Variants in HHIP observed in about 807,000 individuals in gnomAD.
HHIP encodes the protein hedgehog interacting protein.
Under a neutral mutation model 74.0 loss-of-function variants are expected in HHIP, and 12 were observed. The ratio of observed to expected loss-of-function variants is 0.16; its 90% CI spans 0.10 to 0.26. The LOEUF (loss-of-function observed/expected upper bound fraction) is 0.26, where lower values mean the gene tolerates loss of function less well. Among genes scored for constraint, HHIP ranks in the 10% least tolerant of loss-of-function variants. The pLI is 1.00. For missense variants in HHIP, 788 were observed against 845.0 expected (o/e 0.93, Z 0.84); for synonymous variants, 309 against 311.6 (o/e 0.99, Z 0.09).
intron 4 of HHIP, among the ~76,000 whole-genome samples, chr4:144,681,242 A>T (rs956422777): frequency 2.0e-5 from 3 of 152,148 alleles, no homozygotes; most frequent in African/African-American, 7.2e-5. Flanking sequence ...TATGATTTGT[A>T]TATTATACAT....
At position 144,659,778 on chromosome 4, in the gene HHIP, A is replaced by G; in HGVS notation, c.771A>G (p.Glu257=). The change falls in exon 4 of 13, where the codon GAA becomes GAG. Residue 257 remains glutamate (E), a synonymous_variant. Transcript: ENST00000296575. ...KEGYVKILTP[E]GEIFKEPYLD... Reference sequence around the variant, plus strand: ...GTTATGTGAAGATACTTACCCCTGAAGGAGAAATTTTCAAGGAGCCTTATT... The same window carrying G: ...GTTATGTGAAGATACTTACCCCTGAGGGAGAAATTTTCAAGGAGCCTTATT... 6.2e-7 allele frequency: 1 copy of G among 1,612,032 alleles called. No homozygotes were observed. The highest frequency in any genetic ancestry group is 1.3e-5 in the African/African-American group (1 of 74,908).
intron 4 of HHIP, among the ~76,000 whole-genome samples, chr4:144,664,467 G>A (rs1169380984): frequency 6.6e-6 from 1 of 152,226 alleles, no homozygotes; most frequent in Admixed American, 6.5e-5. Flanking sequence ...CCATTTCTCT[G>A]AACTTTGTCA....
At chr4:144,687,452 T>G (rs1055255957) in intron 4 of HHIP, among the ~76,000 whole-genome samples, 1 of 152,188 alleles carries the variant, frequency 6.6e-6, no homozygotes, top group African/African-American at 2.4e-5. Context: ...GTACAGAGCT[T>G]AATGATGCAT....
In HHIP at chr4:144,706,539, T is replaced by C. The variant is rs751691208; in HGVS notation, c.840T>C (p.Asp280=). Residue 280 remains aspartate (D), a synonymous_variant, in exon 5 of 13, where the codon GAT becomes GAC. Transcript: ENST00000296575. ...TTTTCATTTGACTGCAGGGAGGAGA[T>C]GAAAGAGGACTGCTAAGCCTCGCAT... ...KLVQSGIKGG[D]ERGLLSLAFH... 1.3e-5 allele frequency: 21 copies of C among 1,608,484 alleles called. No homozygotes were observed. The highest frequency in any genetic ancestry group is 1.7e-5 in the Admixed American group (1 of 59,060).
At chr4:144,677,447 G>A (rs1004888577) in intron 4 of HHIP, among the ~76,000 whole-genome samples, 5 of 152,086 alleles carry the variant, frequency 3.3e-5, no homozygotes, top group South Asian at 4.1e-4. Flanking sequence ...CTGCTTTTCC[G>A]TGAGTCTCAA....
chr4:144,674,156 C>T (rs1470590791), intron 4 of HHIP, among the ~76,000 whole-genome samples: 2 of 152,098 alleles, frequency 1.3e-5, no homozygotes, highest in African/African-American at 4.8e-5. Flanking sequence ...ATGCCTCATC[C>T]CCTGTTATTA....
chr4:144,740,120 C>T lies in HHIP; in HGVS notation c.*2163C>T, dbSNP rs1432369491. The T allele has an allele frequency of 1.3e-5, 2 of 152,124 alleles. No homozygotes were observed. Among genetic ancestry groups the T allele is most frequent in the Non-Finnish European group, 2.9e-5 (2 of 68,024 alleles). The allele number at this position is 152,124 out of a possible 1,614,324, so 9.4% of individuals were successfully genotyped here. Reference sequence around the variant, plus strand: ...AGCTGTCTAAATCTGTCAAATCGTGCAGTTTTATTACACATTCTCCAATTC... The same window carrying T: ...AGCTGTCTAAATCTGTCAAATCGTGTAGTTTTATTACACATTCTCCAATTC... On this transcript the variant is annotated 3_prime_UTR_variant, in exon 13 of 13. Coordinates refer to ENST00000296575, the MANE Select transcript of HHIP (RefSeq NM_022475.3).
intron 4 of HHIP, among the ~76,000 whole-genome samples, chr4:144,668,181 G>A (rs1354103582): frequency 6.6e-6 from 1 of 151,992 alleles, no homozygotes; most frequent in Non-Finnish European, 1.5e-5. Flanking sequence ...GCCGGGTATG[G>A]TGGCAGATGC....
At chr4:144,677,615 A>G (rs1238559586) in intron 4 of HHIP, among the ~76,000 whole-genome samples, 4 of 152,174 alleles carry the variant, frequency 2.6e-5, no homozygotes, top group Non-Finnish European at 5.9e-5. Context: ...AGGTGTTGTT[A>G]GTAGAGAAAG....
intron 4 of HHIP, among the ~76,000 whole-genome samples, chr4:144,663,523 A>G (rs1463270438): frequency 6.6e-6 from 1 of 152,200 alleles, no homozygotes; most frequent in Non-Finnish European, 1.5e-5. Flanking sequence ...AACTAAGAGC[A>G]GGTGGTTGGA....
Position 144,739,573 on chromosome 4 carries a change from A to C in HHIP, c.*1616A>C, listed in dbSNP as rs993962163. The C allele has an allele frequency of 2.0e-5, 3 of 152,230 alleles. No individual in the cohort carries two copies. The highest frequency in any genetic ancestry group is 7.2e-5 in the African/African-American group (3 of 41,468). The allele number at this position is 152,230 out of a possible 1,614,324, so 9.4% of individuals were successfully genotyped here. A position where few individuals can be genotyped will look rare whatever the true frequency, so the allele number is the denominator to read the frequency against. On this transcript the variant is annotated 3_prime_UTR_variant, in exon 13 of 13. Transcript: ENST00000296575. Reference sequence around the variant, plus strand: ...CCCAGTAAGCATTTATATAGAAGCCACAATGTAGAAAGATTGGTTAAGTAC... The same window carrying C: ...CCCAGTAAGCATTTATATAGAAGCCCCAATGTAGAAAGATTGGTTAAGTAC...
At chr4:144,713,840 A>G (rs1560716637) in intron 8 of HHIP, among the ~76,000 whole-genome samples, 1 of 152,182 alleles carries the variant, frequency 6.6e-6, no homozygotes, top group Non-Finnish European at 1.5e-5. Context: ...AATTTACTCA[A>G]TATATGCAGA....
chr4:144,672,198 A>G (rs1394633263), intron 4 of HHIP, among the ~76,000 whole-genome samples: 1 of 152,134 alleles, frequency 6.6e-6, no homozygotes, highest in Admixed American at 6.5e-5. Context: ...CTTTGTAATA[A>G]TACAGAAACC....
chr4:144,727,094 A>T (rs1384903636), intron 11 of HHIP, among the ~76,000 whole-genome samples: 1 of 152,208 alleles, frequency 6.6e-6, no homozygotes, highest in Non-Finnish European at 1.5e-5. Flanking sequence ...TGAGGTTGTT[A>T]TAACAAAATA....
At chr4:144,682,972 G>A (rs1729387459) in intron 4 of HHIP, among the ~76,000 whole-genome samples, 1 of 152,150 alleles carries the variant, frequency 6.6e-6, no homozygotes, top group Admixed American at 6.5e-5. Flanking sequence ...TGCGTTTAGA[G>A]GAAGAAATAG....
At chr4:144,677,703 G>T (rs1325828196) in intron 4 of HHIP, among the ~76,000 whole-genome samples, 1 of 152,164 alleles carries the variant, frequency 6.6e-6, no homozygotes. Context: ...CCGGAGTCCA[G>T]GCTCTTAATA....
chr4:144,685,645 A>C (rs1156646147), intron 4 of HHIP: 1 of 152,148 alleles, frequency 6.6e-6, no homozygotes, highest in Non-Finnish European at 1.5e-5. Flanking sequence ...CGTGGCTGTC[A>C]CTATAGACAA....
chr4:144,710,558 T>A (rs898215811), intron 7 of HHIP, among the ~76,000 whole-genome samples: 3 of 152,246 alleles, frequency 2.0e-5, no homozygotes, highest in African/African-American at 4.8e-5. Flanking sequence ...TTTTATTTTT[T>A]AAATTTCTTT....
At chr4:144,652,979 A>T (rs1728464668) in intron 2 of HHIP, among the ~76,000 whole-genome samples, 182 bp downstream of exon 2, 1 of 152,142 alleles carries the variant, frequency 6.6e-6, no homozygotes, top group Non-Finnish European at 1.5e-5. Flanking sequence ...GAATATTGTA[A>T]TTTCAGTCTG....
Sources: allele counts gnomAD v4.1 joint callset (sites outside exome capture counted in the v4.1 genomes callset), GRCh38; gene constraint gnomAD v4.1.1; transcripts MANE v1.5; gene names NCBI Gene and HGNC (gene_info 2026-07-23, HGNC 2026-07-21).